Variants in UCHL1 observed in about 807,000 individuals in gnomAD.
UCHL1 encodes the protein ubiquitin carboxyl-terminal hydrolase isozyme L1.
A neutral mutation model predicts 33.3 loss-of-function variants in UCHL1; 5 were observed. The observed-to-expected ratio is 0.15, with a 90% CI of 0.08 to 0.32. The LOEUF (loss-of-function observed/expected upper bound fraction) is 0.32, where lower values mean the gene tolerates loss of function less well. Ranked by LOEUF, UCHL1 falls within the 10% of genes least tolerant of loss-of-function variation. UCHL1 has a pLI of 1.00. For missense variants in UCHL1, 236 were observed against 280.0 expected (o/e 0.84, Z 1.12); for synonymous variants, 132 against 108.8 (o/e 1.21, Z -1.33).
At chr4:41,258,458 CCTA>C (rs1192319680) in intron 3 of UCHL1, among the ~76,000 whole-genome samples, 2 of 152,112 alleles carry the variant, frequency 1.3e-5, no homozygotes, top group Non-Finnish European at 2.9e-5. Context: ...TGATTTTCCT[CCTA>C]CAAGTGTGCA....
rs769027517 is a variant in UCHL1 at position 41,263,283 on chromosome 4, A to G, written c.518A>G (p.Tyr173Cys). 6.2e-7 allele frequency: 1 copy of G among 1,614,044 alleles called. No homozygotes were observed. Among genetic ancestry groups the G allele is most frequent in the Non-Finnish European group, 8.5e-7 (1 of 1,179,948 alleles). Residue 173 changes from tyrosine to cysteine, a missense_variant, in exon 7 of 9, where the codon TAT becomes TGT. By Grantham distance (194) the Tyr-to-Cys change is radical. Transcript: ENST00000284440. ...ILFNNVDGHLYELDGRMPFPV... is the reference protein window; with the variant it reads ...ILFNNVDGHLCELDGRMPFPV... Reference sequence around the variant, plus strand: ...TTTAACAACGTGGATGGCCACCTCTATGAACTTGGTATGTTTTACTCCATT... The same window carrying G: ...TTTAACAACGTGGATGGCCACCTCTGTGAACTTGGTATGTTTTACTCCATT...
chr4:41,257,314 C>T, intron 2 of UCHL1, 188 bp downstream of exon 2: 2 of 1,060,962 alleles, frequency 1.9e-6, no homozygotes, highest in Non-Finnish European at 2.6e-6. Context: ...CGAAACCGGT[C>T]ACGGGGAGAC....
chr4:41,257,984 C>T (rs556257389), intron 3 of UCHL1, among the ~76,000 whole-genome samples: 1 of 152,336 alleles, frequency 6.6e-6, no homozygotes, highest in South Asian at 2.1e-4. Flanking sequence ...ATCTCAGTTC[C>T]ATCTATCCCG....
chr4:41,263,116 C>G lies in UCHL1; in HGVS notation c.460-109C>G. 3 of 828,716 alleles carry G rather than the reference C, an allele frequency of 3.6e-6. No individual in the cohort carries two copies. The South Asian group carries it at 4.2e-5, about 12-fold the overall frequency. The allele number at this position is 828,716 out of a possible 1,614,324, so 51.3% of individuals were successfully genotyped here. A position where few individuals can be genotyped will look rare whatever the true frequency, so the allele number is the denominator to read the frequency against. On this transcript the variant is annotated intron_variant, in intron 6 of 8. Coordinates refer to ENST00000284440, the MANE Select transcript of UCHL1 (RefSeq NM_004181.5). ...ATGTAAGACATACATTAAATATTAGCTATAATTTCTAAAAATCAAGTCAGT... is the reference window on the plus strand; with the variant it reads ...ATGTAAGACATACATTAAATATTAGGTATAATTTCTAAAAATCAAGTCAGT...
intron 8 of UCHL1, among the ~76,000 whole-genome samples, chr4:41,267,779 T>TG (rs1037417497): frequency 1.3e-5 from 2 of 152,208 alleles, no homozygotes; most frequent in African/African-American, 4.8e-5. Flanking sequence ...CAAAACCATT[T>TG]GGTGGAAGTG....
At chr4:41,266,180 C>G (rs1417548980) in intron 8 of UCHL1, among the ~76,000 whole-genome samples, 1 of 150,726 alleles carries the variant, frequency 6.6e-6, no homozygotes, top group East Asian at 1.9e-4. Context: ...CCTCAGCTTC[C>G]CAGAGTGCTG....
chr4:41,256,943 TC>T lies in UCHL1; in HGVS notation c.-31del. On this transcript the variant is annotated 5_prime_UTR_variant, in exon 1 of 9. Transcript: ENST00000284440. ...CGGCTCCGCTAGCTGTTTTTCGTCT[TC>T]CCTAGGCTATTTCTGCCGGGCGCTC... 1 of 1,614,014 alleles carries T rather than the reference TC, an allele frequency of 6.2e-7. No individual in the cohort carries two copies. Among genetic ancestry groups the T allele is most frequent in the Non-Finnish European group, 8.5e-7 (1 of 1,179,976 alleles).
Position 41,258,126 on chromosome 4 carries a change from A to T in UCHL1, c.174+389A>T, listed in dbSNP as rs527398303. Reference sequence around the variant, plus strand: ...CCTGTCAACTCATTGTTTGCTTCTCAGACTCCCACCTAGCTGTAGAATGGA... The same window carrying T: ...CCTGTCAACTCATTGTTTGCTTCTCTGACTCCCACCTAGCTGTAGAATGGA... On this transcript the variant is annotated intron_variant, in intron 3 of 8. Transcript: ENST00000284440. Among the ~76,000 whole-genome samples, 5 of 152,252 alleles carry T rather than the reference A, an allele frequency of 3.3e-5. No homozygotes were observed. In the South Asian group the frequency reaches 1.0e-3, roughly 32 times the overall value.
In UCHL1 at chr4:41,267,983, C is replaced by T. The variant is rs1431899503; in HGVS notation, c.586-4C>T. 2.5e-6 allele frequency: 4 copies of T among 1,612,316 alleles called. No individual in the cohort carries two copies. The highest frequency in any genetic ancestry group is 3.4e-6 in the Non-Finnish European group (4 of 1,179,244). On this transcript the variant is annotated splice_polypyrimidine_tract_variant and splice_region_variant and intron_variant, in intron 8 of 8. Coordinates refer to ENST00000284440, the MANE Select transcript of UCHL1 (RefSeq NM_004181.5). ...TGGATTTTAATGACATTTCTCCTTT[C>T]CAGGACGCTGCCAAGGTCTGCAGAG...
At chr4:41,258,970 A>C (rs1781027888) in intron 3 of UCHL1, among the ~76,000 whole-genome samples, 1 of 152,162 alleles carries the variant, frequency 6.6e-6, no homozygotes, top group Non-Finnish European at 1.5e-5. Context: ...AACCATGATG[A>C]CTCGGAGGTT....
At chr4:41,262,307 C>T (rs1241928442) in intron 6 of UCHL1, among the ~76,000 whole-genome samples, 1 of 152,034 alleles carries the variant, frequency 6.6e-6, no homozygotes, top group East Asian at 1.9e-4. Context: ...ACAAAAAATA[C>T]AGAGTAGCGA....
At position 41,265,290 on chromosome 4, in the gene UCHL1, A is replaced by G. The variant is rs527928933; in HGVS notation, c.585+1129A>G. On this transcript the variant is annotated intron_variant, in intron 8 of 8. Transcript: ENST00000284440. The stretch of plus-strand genomic sequence containing the variant: ...ATGGCAAACTGTGATTCAAACCTAG[A>G]TAGTCTGGCAAGGTGCAGTGGCTCA... Among the ~76,000 whole-genome samples, 6 of 152,360 alleles carry G rather than the reference A, an allele frequency of 3.9e-5. No homozygotes were observed. In the South Asian group the frequency reaches 1.2e-3, roughly 32 times the overall value.
intron 3 of UCHL1, among the ~76,000 whole-genome samples, chr4:41,258,810 A>G (rs1278434781): frequency 6.6e-6 from 1 of 152,236 alleles, no homozygotes; most frequent in East Asian, 1.9e-4. Flanking sequence ...AGCTAATAAG[A>G]TGATCTCACT....
intron 6 of UCHL1, 51 bp downstream of exon 6, chr4:41,261,974 T>G: frequency 1.2e-6 from 2 of 1,604,732 alleles, no homozygotes; most frequent in Non-Finnish European, 1.7e-6. Flanking sequence ...CATCTGTGTT[T>G]CTACTGAAAT....
intron 2 of UCHL1, 138 bp from the exon 3 acceptor site, chr4:41,257,471 G>GGTGGCAGGGCGGGA: frequency 8.4e-7 from 1 of 1,189,920 alleles, no homozygotes; most frequent in East Asian, 3.1e-5. Context: ...CCCGGGTGGG[G>GGTGGCAGGGCGGGA]GTGGCAGGGC....
At chr4:41,259,538 A>G (rs1781037782) in intron 3 of UCHL1, among the ~76,000 whole-genome samples, 1 of 152,182 alleles carries the variant, frequency 6.6e-6, no homozygotes, top group Non-Finnish European at 1.5e-5. Flanking sequence ...GGGGTAAGAG[A>G]TCTTACTCTT....
In UCHL1 at chr4:41,264,608, A is replaced by G; in HGVS notation, c.585+447A>G. On this transcript the variant is annotated intron_variant, in intron 8 of 8. Transcript: ENST00000284440. ...AAATTTAGGAGTTTTTCCTTCCCAC[A>G]TGGTCTACTGTTACAAGAACAAAAT... The G allele has an allele frequency of 1.9e-5, 4 of 215,814 alleles. No homozygotes were observed. In the South Asian group the frequency reaches 3.2e-4, roughly 17 times the overall value. The allele number at this position is 215,814 out of a possible 1,614,324, so 13.4% of individuals were successfully genotyped here. A position where few individuals can be genotyped will look rare whatever the true frequency, so the allele number is the denominator to read the frequency against.
rs746333982 is a variant in UCHL1, at chr4:41,257,725, C to T, written c.162C>T (p.Pro54=). ...APACALLLLF[P]LTAQHENFRK... ...CCTGCGCGCTGCTGCTGCTGTTTCC[C>T]CTCACGGCCCAGGTAGGGCGTGGGG... The change falls in exon 3 of 9, where the codon CCC becomes CCT. Residue 54 remains proline (P), a synonymous_variant. Transcript: ENST00000284440. 4.4e-6 allele frequency: 7 copies of T among 1,579,130 alleles called. No individual in the cohort carries two copies. The Admixed American group carries it at 1.1e-4, about 24-fold the overall frequency.
intron 3 of UCHL1, among the ~76,000 whole-genome samples, chr4:41,259,888 T>C (rs931366786): frequency 2.0e-5 from 3 of 152,184 alleles, no homozygotes; most frequent in African/African-American, 4.8e-5. Context: ...CAGATAGGCT[T>C]ACTAAATTAC....
Sources: allele counts gnomAD v4.1 joint callset (sites outside exome capture counted in the v4.1 genomes callset), GRCh38; gene constraint gnomAD v4.1.1; transcripts MANE v1.5; gene names NCBI Gene and HGNC (gene_info 2026-07-23, HGNC 2026-07-21).